The following SLC25A35 variants were observed in gnomAD, a reference collection of about 807,000 sequenced individuals.
The protein encoded by SLC25A35 is solute carrier family 25, member 35.
Under a neutral mutation model 30.5 loss-of-function variants are expected in SLC25A35, and 32 were observed. The ratio of observed to expected loss-of-function variants is 1.05; its 90% CI spans 0.79 to 1.41. The LOEUF is 1.41. Ranked by LOEUF, SLC25A35 falls within the 40% of genes most tolerant of loss-of-function variation. The pLI is 0.00. For synonymous variants in SLC25A35, 142 were observed against 158.1 expected (o/e 0.90, Z 0.77); for missense variants, 369 against 388.0 (o/e 0.95, Z 0.41).
intron 1 of SLC25A35, among the ~76,000 whole-genome samples, chr17:8,292,933 C>T (rs569674561): frequency 2.0e-5 from 3 of 152,174 alleles, no homozygotes; most frequent in Non-Finnish European, 4.4e-5. Flanking sequence ...TGCTAGCTCC[C>T]ATTCCCAGAC....
chr17:8,293,009 C>T (rs1399468896), intron 1 of SLC25A35, among the ~76,000 whole-genome samples: 1 of 152,210 alleles, frequency 6.6e-6, no homozygotes, highest in African/African-American at 2.4e-5. Flanking sequence ...GCTCTCTAGC[C>T]CCCAACCCCC....
intron 1 of SLC25A35, 86 bp from the exon 2 acceptor site, chr17:8,292,674 C>T: frequency 1.7e-6 from 2 of 1,156,358 alleles, no homozygotes; most frequent in East Asian, 2.3e-5. Context: ...CACACTTCCT[C>T]TAGGGTGTTC....
downstream of SLC25A35, chr17:8,288,613 G>A (rs1353096894): frequency 2.7e-6 from 2 of 744,790 alleles, no homozygotes; most frequent in Non-Finnish European, 4.6e-6. Context: ...CGCCCCCAGG[G>A]TCTTGGCGCC....
rs1352110731 is a variant in SLC25A35, at chr17:8,294,835, C to T, written c.-28G>A. 6.5e-7 allele frequency: 1 copy of T among 1,533,604 alleles called. No individual in the cohort carries two copies. Among genetic ancestry groups the T allele is most frequent in the Admixed American group, 2.1e-5 (1 of 47,322 alleles). 95.0% of individuals were successfully genotyped at this position (1,533,604 alleles called of 1,614,324 possible). A position where few individuals can be genotyped will look rare whatever the true frequency, so the allele number is the denominator to read the frequency against. On this transcript the variant is annotated 5_prime_UTR_variant, in exon 1 of 5. Coordinates refer to ENST00000577745, the MANE Select transcript of SLC25A35 (RefSeq NM_001320870.2). ...TGGGATAGCTGTAGCAGGAACTGAC[C>T]CAAGAGTAAGAAAGTAAAAATGGGT...
downstream of SLC25A35, chr17:8,289,917 A>G (rs1567658126): frequency 6.2e-7 from 1 of 1,614,086 alleles, no homozygotes; most frequent in Non-Finnish European, 8.5e-7. Context: ...CACGATCCTA[A>G]CATCTTTGGT....
At chr17:8,292,479 G>C (rs1265468038) in intron 2 of SLC25A35, 44 bp downstream of exon 2, 3 of 1,589,090 alleles carry the variant, frequency 1.9e-6, no homozygotes, top group African/African-American at 2.7e-5. Context: ...TAGGGGAAAA[G>C]AGAAAGGATG....
chr17:8,288,594 G>C (rs1597439394), downstream of SLC25A35: 3 of 664,102 alleles, frequency 4.5e-6, no homozygotes, highest in Non-Finnish European at 7.9e-6. Context: ...GAGCAAAGCC[G>C]CTGACCCCCG....
At chr17:8,288,537 C>T (rs1990221664), downstream of SLC25A35, 11 of 585,622 alleles carry the variant, frequency 1.9e-5, no homozygotes, top group East Asian at 2.0e-4. Flanking sequence ...AACCCCAAGG[C>T]AGACCCCACC....
chr17:8,288,934 G>T (rs906776643), downstream of SLC25A35: 6 of 1,613,988 alleles, frequency 3.7e-6, no homozygotes, highest in Non-Finnish European at 5.1e-6. Context: ...GGTCAACCAG[G>T]GTCTGCCTCG....
chr17:8,289,319 C>T (rs199622161), downstream of SLC25A35: 24 of 1,614,036 alleles, frequency 1.5e-5, no homozygotes, highest in Non-Finnish European at 1.9e-5. Context: ...GGAGTCTGTT[C>T]AGCCTCTCAG....
At chr17:8,294,134 C>T (rs1229847285) in intron 1 of SLC25A35, among the ~76,000 whole-genome samples, 2 of 151,912 alleles carry the variant, frequency 1.3e-5, no homozygotes, top group African/African-American at 4.8e-5. Flanking sequence ...CCAGGATGGT[C>T]TCCATCTCCT....
Position 8,290,230 on chromosome 17 carries a change from A to C in SLC25A35, c.*275T>G. The C allele has an allele frequency of 7.0e-7, 1 of 1,425,036 alleles. No homozygotes were observed. Among genetic ancestry groups the C allele is most frequent in the Non-Finnish European group, 9.1e-7 (1 of 1,094,880 alleles). 88.3% of individuals were successfully genotyped at this position (1,425,036 alleles called of 1,614,324 possible). ...GAGGGACTCAAGGGTGGCAGTGGTG[A>C]GTGGGAGGAAATACACTTTGGGATG... On this transcript the variant is annotated 3_prime_UTR_variant, in exon 5 of 5. Coordinates refer to ENST00000577745, the MANE Select transcript of SLC25A35 (RefSeq NM_001320870.2).
In SLC25A35 at chr17:8,290,317, G is replaced by A. The variant is rs769629014; in HGVS notation, c.*188C>T. The A allele has an allele frequency of 1.8e-5, 26 of 1,432,240 alleles. No individual in the cohort carries two copies. The East Asian group carries it at 3.0e-4, about 17-fold the overall frequency. The allele number at this position is 1,432,240 out of a possible 1,614,324, so 88.7% of individuals were successfully genotyped here. A position where few individuals can be genotyped will look rare whatever the true frequency, so the allele number is the denominator to read the frequency against. ...AGGGAATGGGTAGGGAAGGTTTAAAGCAACACCCAAGGAAAGAAGGGAAAC... is the reference window on the plus strand; with the variant it reads ...AGGGAATGGGTAGGGAAGGTTTAAAACAACACCCAAGGAAAGAAGGGAAAC... On this transcript the variant is annotated 3_prime_UTR_variant, in exon 5 of 5. Transcript: ENST00000577745.
Position 8,290,142 on chromosome 17 carries a change from A to C in SLC25A35, c.*363T>G. 1 of 1,450,882 alleles carries C rather than the reference A, an allele frequency of 6.9e-7. No homozygotes were observed. The highest frequency in any genetic ancestry group is 9.0e-7 in the Non-Finnish European group (1 of 1,105,086). 89.9% of individuals were successfully genotyped at this position (1,450,882 alleles called of 1,614,324 possible). On this transcript the variant is annotated 3_prime_UTR_variant, in exon 5 of 5. Transcript: ENST00000577745. ...GACACCTGGGTCCCAGACGCCTGGG[A>C]ATTGGGTCTCTCGATTCCCTTTGGT...
intron 4 of SLC25A35, 77 bp downstream of exon 4, chr17:8,290,765 C>T (rs1265006687): frequency 1.2e-6 from 2 of 1,602,110 alleles, no homozygotes; most frequent in Non-Finnish European, 1.7e-6. Flanking sequence ...GGCTGCATTT[C>T]AGGCTATCCC....
intron 1 of SLC25A35, among the ~76,000 whole-genome samples, chr17:8,293,403 T>A (rs1990635578): frequency 1.3e-5 from 2 of 152,222 alleles, no homozygotes; most frequent in African/African-American, 4.8e-5. Context: ...AAATGCTTAC[T>A]GTCTGCCAGG....
At position 8,290,596 on chromosome 17, in the gene SLC25A35, C is replaced by T. The variant is rs1385805460; in HGVS notation, c.812G>A (p.Gly271Asp). ...EGIFGMYKGI[G>D]ASYFRLGPHT... ...GGGGCCGAGGCGGAAGTAGGAGGCACCTATACCCTTGTACATGCCAAAAAT... is the reference window on the plus strand; with the variant it reads ...GGGGCCGAGGCGGAAGTAGGAGGCATCTATACCCTTGTACATGCCAAAAAT... Residue 271 changes from glycine to aspartate, a missense_variant, in exon 5 of 5, where the codon GGT (glycine) becomes GAT (aspartate). Gly to Asp is a moderately conservative substitution (Grantham distance 94, BLOSUM62 -1). Coordinates refer to ENST00000577745, the MANE Select transcript of SLC25A35 (RefSeq NM_001320870.2). 2.0e-6 allele frequency: 3 copies of T among 1,536,402 alleles called. No homozygotes were observed. The highest frequency in any genetic ancestry group is 2.4e-5 in the East Asian group (1 of 40,918).
chr17:8,292,775 G>C (rs777944304), intron 1 of SLC25A35, among the ~76,000 whole-genome samples, 187 bp from the exon 2 acceptor site: 3 of 152,146 alleles, frequency 2.0e-5, no homozygotes, highest in Non-Finnish European at 4.4e-5. Flanking sequence ...CCAGCCCCAG[G>C]GGGGTGGATC....
rs1002656850 is a variant in SLC25A35 at position 8,295,071 on chromosome 17, G to A, written c.-264C>T. The A allele has an allele frequency of 2.9e-5, 35 of 1,222,758 alleles. No homozygotes were observed. The highest frequency in any genetic ancestry group is 3.2e-5 in the Non-Finnish European group (31 of 976,282). The allele number at this position is 1,222,758 out of a possible 1,614,324, so 75.7% of individuals were successfully genotyped here. On this transcript the variant is annotated 5_prime_UTR_variant, in exon 1 of 5. Coordinates refer to ENST00000577745, the MANE Select transcript of SLC25A35 (RefSeq NM_001320870.2). Reference sequence around the variant, plus strand: ...AGAAGCTTAAGGCAGGACCCTCTGAGGTCAAGGAGGGGCAAAAGACAGAAG... The same window carrying A: ...AGAAGCTTAAGGCAGGACCCTCTGAAGTCAAGGAGGGGCAAAAGACAGAAG...
Sources: gnomAD v4.1 joint callset for allele counts (sites outside exome capture counted in the v4.1 genomes callset) on GRCh38, gnomAD v4.1.1 for gene constraint, MANE v1.5 for transcripts, NCBI Gene and HGNC (gene_info 2026-07-23, HGNC 2026-07-21) for gene names.